The following NCOA7 variants were observed in gnomAD, a reference collection of about 807,000 sequenced individuals.
NCOA7 encodes 140 kDa estrogen receptor-associated protein.
In NCOA7, 45 loss-of-function variants were observed where a neutral mutation model predicts 104.3. The observed-to-expected ratio is 0.43, with a 90% CI of 0.34 to 0.55. NCOA7 has a LOEUF of 0.55. Among genes scored for constraint, NCOA7 ranks in the 20% least tolerant of loss-of-function variants. The pLI is 0.02. For missense variants in NCOA7, 1,041 were observed against 1,119.7 expected (o/e 0.93, Z 1.00); for synonymous variants, 398 against 402.3 (o/e 0.99, Z 0.13).
At chr6:125,886,045 C>T (rs1235843140) in intron 8 of NCOA7, among the ~76,000 whole-genome samples, 2 of 151,828 alleles carry the variant, frequency 1.3e-5, no homozygotes, top group African/African-American at 4.8e-5. Flanking sequence ...TTTCGCTCTA[C>T]TGTGTCTGTT....
chr6:125,832,530 C>G (rs1779275213), intron 2 of NCOA7, among the ~76,000 whole-genome samples: 1 of 152,180 alleles, frequency 6.6e-6, no homozygotes, highest in Non-Finnish European at 1.5e-5. Flanking sequence ...AGTTTGTACC[C>G]TGGATAGGGG....
intron 1 of NCOA7, among the ~76,000 whole-genome samples, chr6:125,805,087 C>CTTTTTTTTTTTTTT (rs59737297): frequency 6.9e-5 from 4 of 58,040 alleles, no homozygotes; most frequent in African/African-American, 1.8e-4. Context: ...CCCTCTTGTT[C>CTTTTTTTTTTTTTT]TTTTTTTTTT....
intron 12 of NCOA7, among the ~76,000 whole-genome samples, chr6:125,921,505 C>G (rs887523729): frequency 2.0e-5 from 3 of 152,226 alleles, no homozygotes; most frequent in Non-Finnish European, 4.4e-5. Flanking sequence ...CAGCAGCCCA[C>G]TAAGGCCAGT....
chr6:125,909,022 C>A (rs1786282810), intron 10 of NCOA7, among the ~76,000 whole-genome samples: 1 of 152,172 alleles, frequency 6.6e-6, no homozygotes, highest in Non-Finnish European at 1.5e-5. Flanking sequence ...CACTCGGTGT[C>A]TATGATTGTC....
intron 1 of NCOA7, among the ~76,000 whole-genome samples, chr6:125,795,726 C>T (rs143229389): frequency 9.1e-4 from 139 of 152,282 alleles, no homozygotes; most frequent in African/African-American, 3.2e-3. Context: ...AGGAAGGAAT[C>T]TGCACATCTT....
chr6:125,919,131 C>G (rs142294314), intron 11 of NCOA7: 1 of 997,880 alleles, frequency 1.0e-6, no homozygotes, highest in Non-Finnish European at 1.4e-6. Context: ...AGTCTCACAG[C>G]GATGCCTGGC....
At chr6:125,919,385 T>G in intron 11 of NCOA7, 9 of 1,612,800 alleles carry the variant, frequency 5.6e-6, no homozygotes, top group Non-Finnish European at 7.6e-6. Context: ...CCCTTGGACA[T>G]CCAGATTTTC....
At chr6:125,919,155 G>T in intron 11 of NCOA7, 1 of 1,324,646 alleles carries the variant, frequency 7.5e-7, no homozygotes. Flanking sequence ...AAGTGTGTTT[G>T]CTCTAAATCC....
intron 10 of NCOA7, among the ~76,000 whole-genome samples, chr6:125,897,295 C>G (rs1415860630): frequency 6.6e-6 from 1 of 152,112 alleles, no homozygotes; most frequent in Non-Finnish European, 1.5e-5. Context: ...GAAATGGTAC[C>G]TTTTCTTTAA....
intron 3 of NCOA7, among the ~76,000 whole-genome samples, chr6:125,867,376 G>A (rs1782525229): frequency 6.6e-6 from 1 of 152,094 alleles, no homozygotes; most frequent in South Asian, 2.1e-4. Flanking sequence ...AATTGATATT[G>A]GTAATGTTTT....
intron 2 of NCOA7, among the ~76,000 whole-genome samples, chr6:125,820,767 A>G (rs1562828671): frequency 6.6e-6 from 1 of 152,194 alleles, no homozygotes; most frequent in South Asian, 2.1e-4. Flanking sequence ...CCTGTTGTTC[A>G]GATCAGGGAA....
chr6:125,900,532 T>C lies in NCOA7; in HGVS notation c.2096+9722T>C, dbSNP rs570634576. 2.0e-5 allele frequency among the ~76,000 whole-genome samples: 3 copies of C among 152,374 alleles called. No homozygotes were observed. In the South Asian group the frequency reaches 6.2e-4, roughly 32 times the overall value. ...AGATAGAGTTGACAACTTAAAATTA[T>C]GTATTTTTGAGATGTTCAACCTGAT... On this transcript the variant is annotated intron_variant, in intron 10 of 15. Coordinates refer to ENST00000392477, the MANE Select transcript of NCOA7 (RefSeq NM_181782.5).
intron 1 of NCOA7, among the ~76,000 whole-genome samples, chr6:125,808,960 T>C (rs1291562588): frequency 1.3e-5 from 2 of 152,192 alleles, no homozygotes; most frequent in Non-Finnish European, 2.9e-5. Context: ...CAGAGAATAA[T>C]GGAATAGGAG....
chr6:125,905,013 A>G (rs1447808726), intron 10 of NCOA7, among the ~76,000 whole-genome samples: 1 of 152,196 alleles, frequency 6.6e-6, no homozygotes, highest in Admixed American at 6.5e-5. Context: ...AGCCAGGGTG[A>G]GTAATTACTA....
intron 1 of NCOA7, 97 bp from the exon 2 acceptor site, chr6:125,815,194 A>C: frequency 2.3e-6 from 1 of 437,402 alleles, no homozygotes; most frequent in Non-Finnish European, 4.1e-6. Flanking sequence ...TTTATTTTTC[A>C]TTTGTTTTAG....
chr6:125,925,635 A>G (rs919661728), intron 13 of NCOA7, among the ~76,000 whole-genome samples: 39 of 152,240 alleles, frequency 2.6e-4, no homozygotes, highest in Non-Finnish European at 4.4e-4. Context: ...ATATCTGTAT[A>G]TATTACAAAT....
intron 1 of NCOA7, among the ~76,000 whole-genome samples, chr6:125,801,853 A>G (rs1047594197): frequency 6.6e-6 from 1 of 152,234 alleles, no homozygotes; most frequent in Admixed American, 6.5e-5. Context: ...GTATTTCCAA[A>G]TAAGATCACA....
intron 2 of NCOA7, among the ~76,000 whole-genome samples, chr6:125,842,372 A>G (rs932100005): frequency 2.6e-5 from 4 of 152,208 alleles, no homozygotes; most frequent in Admixed American, 2.6e-4. Flanking sequence ...TGTCTTCAAG[A>G]AAACAACATT....
rs1267118351 is a variant in NCOA7 at position 125,865,562 on chromosome 6, A to G, written c.272-9327A>G. 4.4e-5 allele frequency among the ~76,000 whole-genome samples: 6 copies of G among 137,264 alleles called. 2 individuals carry two copies. Among genetic ancestry groups the G allele is most frequent in the Non-Finnish European group, 9.3e-5 (6 of 64,728 alleles). 90.1% of individuals were successfully genotyped at this position (137,264 alleles called of 152,430 possible). ...GTTTCTCTTAAAGTGCTACCTAACAATACTGAATGTTTTAATTGTGCTTTT... is the reference window on the plus strand; with the variant it reads ...GTTTCTCTTAAAGTGCTACCTAACAGTACTGAATGTTTTAATTGTGCTTTT... On this transcript the variant is annotated intron_variant, in intron 3 of 15. Coordinates refer to ENST00000392477, the MANE Select transcript of NCOA7 (RefSeq NM_181782.5).
Sources: allele counts gnomAD v4.1 joint callset (sites outside exome capture counted in the v4.1 genomes callset), GRCh38; gene constraint gnomAD v4.1.1; transcripts MANE v1.5; gene names NCBI Gene and HGNC (gene_info 2026-07-23, HGNC 2026-07-21).